The following UGT2B4 variants were observed in gnomAD, a reference collection of about 807,000 sequenced individuals.
UGT2B4 encodes UDP-glucuronosyltransferase 2B4.
In UGT2B4, 49 loss-of-function variants were observed where a neutral mutation model predicts 49.8. The ratio of observed to expected loss-of-function variants is 0.98; its 90% confidence interval spans 0.78 to 1.25. The LOEUF is 1.25. Ranked by LOEUF, UGT2B4 falls within the 50% of genes most tolerant of loss-of-function variation. UGT2B4 has a pLI of 0.00. For missense variants in UGT2B4, 729 were observed against 627.7 expected (o/e 1.16, Z -1.73); for synonymous variants, 246 against 217.7 (o/e 1.13, Z -1.14).
intron 1 of UGT2B4, among the ~76,000 whole-genome samples, chr4:69,524,455 A>G (rs1465457784): frequency 1.3e-5 from 2 of 151,866 alleles, no homozygotes; most frequent in Non-Finnish European, 2.9e-5. Context: ...GTAGACAAAT[A>G]ATATGTAATA....
At chr4:69,513,730 T>C (rs1420177468) in intron 1 of UGT2B4, among the ~76,000 whole-genome samples, 1 of 152,202 alleles carries the variant, frequency 6.6e-6, no homozygotes, top group African/African-American at 2.4e-5. Context: ...TTTCTATTTG[T>C]GTCCTCTCTG....
At chr4:69,500,259 G>A (rs924418521), upstream of UGT2B4, among the ~76,000 whole-genome samples, 2 of 152,048 alleles carry the variant, frequency 1.3e-5, no homozygotes, top group Non-Finnish European at 2.9e-5. Context: ...AGGGAAGGGA[G>A]GGCATCAGGA....
chr4:69,504,713 T>A (rs1728426772), intron 1 of UGT2B4, among the ~76,000 whole-genome samples: 1 of 152,002 alleles, frequency 6.6e-6, no homozygotes, highest in Non-Finnish European at 1.5e-5. Context: ...CCTACCTAGC[T>A]AGAGAGACCA....
intron 1 of UGT2B4, among the ~76,000 whole-genome samples, chr4:69,516,152 T>C (rs1387110660): frequency 6.6e-6 from 1 of 152,210 alleles, no homozygotes; most frequent in Non-Finnish European, 1.5e-5. Context: ...GCTGCATCCA[T>C]ATCCCTGAAA....
At chr4:69,501,366 C>T (rs938859501) in intron 1 of UGT2B4, among the ~76,000 whole-genome samples, 1 of 152,076 alleles carries the variant, frequency 6.6e-6, no homozygotes, top group Admixed American at 6.5e-5. Flanking sequence ...GACCTCCAAA[C>T]AGGGGCTTCT....
upstream of UGT2B4, among the ~76,000 whole-genome samples, chr4:69,496,197 C>T (rs947676637): frequency 4.0e-5 from 6 of 150,760 alleles, no homozygotes; most frequent in Non-Finnish European, 7.4e-5. Context: ...GCTAATTTTT[C>T]TGTATTTTTA....
chr4:69,486,884 T>C (rs1384912117), intron 3 of UGT2B4, among the ~76,000 whole-genome samples, 188 bp from the exon 4 acceptor site: 2 of 152,218 alleles, frequency 1.3e-5, no homozygotes, highest in Non-Finnish European at 2.9e-5. Flanking sequence ...AAGGAAATCA[T>C]GATTTTTCAA....
At chr4:69,511,116 C>T (rs192250696) in intron 1 of UGT2B4, among the ~76,000 whole-genome samples, 195 of 151,568 alleles carry the variant, frequency 1.3e-3, no homozygotes, top group African/African-American at 4.5e-3. Context: ...CCTACCCTCC[C>T]GAGTAGCTGG....
chr4:69,485,129 A>G, intron 5 of UGT2B4, 79 bp downstream of exon 5: 1 of 1,494,934 alleles, frequency 6.7e-7, no homozygotes, highest in East Asian at 2.3e-5. Context: ...TCGCTTATAA[A>G]AAGGATAAAA....
At chr4:69,518,066 C>A (rs553332282) in intron 1 of UGT2B4, 10 of 152,308 alleles carry the variant, frequency 6.6e-5, no homozygotes, top group East Asian at 1.9e-4. Flanking sequence ...TTATTCAGTT[C>A]TTTTGCTGAC....
intron 1 of UGT2B4, among the ~76,000 whole-genome samples, chr4:69,518,679 TTAA>T (rs1234877807): frequency 6.6e-6 from 1 of 152,004 alleles, no homozygotes; most frequent in African/African-American, 2.4e-5. Context: ...ACTTTTAGAG[TTAA>T]TGTTTTACAC....
intron 1 of UGT2B4, among the ~76,000 whole-genome samples, chr4:69,523,597 A>G (rs1226835337): frequency 6.6e-6 from 1 of 152,122 alleles, no homozygotes; most frequent in Admixed American, 6.5e-5. Context: ...GCAGACACAA[A>G]GCAGATTTAT....
intron 1 of UGT2B4, among the ~76,000 whole-genome samples, chr4:69,507,380 G>T (rs1728501132): frequency 6.6e-6 from 1 of 152,160 alleles, no homozygotes; most frequent in Admixed American, 6.5e-5. Flanking sequence ...GTCTCAGGAT[G>T]AAAATTCAAT....
intron 1 of UGT2B4, among the ~76,000 whole-genome samples, chr4:69,515,332 C>A (rs1728703486): frequency 6.6e-6 from 1 of 152,140 alleles, no homozygotes; most frequent in African/African-American, 2.4e-5. Context: ...CTACAGCACA[C>A]ACAAATTAGA....
chr4:69,489,482 C>A lies in UGT2B4; in HGVS notation c.959G>T (p.Arg320Met), dbSNP rs757728339. ...GSMVSNTSEE[R>M]ANVIASALAK... is the part of the protein sequence containing the mutation. ...AAGGGCTGATGCAATTACATTGGCC[C>A]TTTCTTCTGACGTGTTACTGACCAT... is the stretch of plus-strand genomic sequence containing the variant. The change falls in exon 3 of 6, where the codon AGG becomes ATG. Residue 320 changes from arginine (R) to methionine (M), a missense_variant. Arg to Met is a moderately conservative substitution (Grantham distance 91, BLOSUM62 -1). Transcript: ENST00000305107. The A allele has an allele frequency of 6.2e-7, 1 of 1,611,710 alleles. No homozygotes were observed. Among genetic ancestry groups the A allele is most frequent in the African/African-American group, 1.3e-5 (1 of 74,834 alleles).
At chr4:69,493,879 A>G (rs1728069427) in intron 1 of UGT2B4, 38 bp from the exon 2 acceptor site, 12 of 1,569,922 alleles carry the variant, frequency 7.6e-6, no homozygotes, top group Non-Finnish European at 1.0e-5. Flanking sequence ...AGATGACACA[A>G]GATAATTAAA....
intron 1 of UGT2B4, among the ~76,000 whole-genome samples, chr4:69,523,380 T>C (rs1341300349): frequency 6.6e-6 from 1 of 152,132 alleles, no homozygotes; most frequent in Non-Finnish European, 1.5e-5. Flanking sequence ...ATAGATGTAA[T>C]GTTATCAGGC....
At chr4:69,513,053 AGTTTCTTTT>A (rs1252910994) in intron 1 of UGT2B4, among the ~76,000 whole-genome samples, 1 of 152,168 alleles carries the variant, frequency 6.6e-6, no homozygotes, top group Non-Finnish European at 1.5e-5. Flanking sequence ...CGCTGATGGT[AGTTTCTTTT>A]GCTGTGCAAA....
chr4:69,511,499 T>C (rs576622333), intron 1 of UGT2B4, among the ~76,000 whole-genome samples: 2 of 152,310 alleles, frequency 1.3e-5, no homozygotes, highest in Non-Finnish European at 1.5e-5. Context: ...AGGGATAAAT[T>C]TCATTTAGTC....
Sources: allele counts gnomAD v4.1 joint callset (sites outside exome capture counted in the v4.1 genomes callset), GRCh38; gene constraint gnomAD v4.1.1; transcripts MANE v1.5; gene names NCBI Gene and HGNC (gene_info 2026-07-23, HGNC 2026-07-21).